RPS6KC1: variants seen among roughly 807,000 people sequenced by gnomAD.
RPS6KC1 encodes the protein inactive ribosomal protein S6 kinase delta-1.
RPS6KC1 carries 54 observed loss-of-function variants against 103.8 expected under a neutral mutation model. The ratio of observed to expected loss-of-function variants is 0.52; its 90% CI spans 0.42 to 0.65. RPS6KC1 has a LOEUF of 0.65. RPS6KC1 is among the 30% of genes least tolerant of loss of function. The probability of loss-of-function intolerance (pLI) is 0.00; values close to 1 mark genes in which losing one functional copy is unlikely to be tolerated. For missense variants in RPS6KC1, 1,151 were observed against 1,253.8 expected (o/e 0.92, Z 1.24); for synonymous variants, 439 against 438.7 (o/e 1.00, Z -0.01).
At chr1:213,511,314 A>G in the RPS6KC1 span, among the ~76,000 whole-genome samples, 2 of 152,168 alleles carry the variant, frequency 1.3e-5, no homozygotes, top group African/African-American at 2.4e-5. Flanking sequence ...CTCTGAGGGC[A>G]GGGGAGATGG....
intron 14 of RPS6KC1, among the ~76,000 whole-genome samples, chr1:213,272,097 A>C (rs1020875899): frequency 9.9e-5 from 15 of 152,226 alleles, no homozygotes; most frequent in Non-Finnish European, 1.9e-4. Context: ...GTCTCAATAC[A>C]TACATAGTTG....
intron 14 of RPS6KC1, among the ~76,000 whole-genome samples, chr1:213,269,040 A>G (rs1302627281): frequency 6.6e-6 from 1 of 152,218 alleles, no homozygotes; most frequent in Non-Finnish European, 1.5e-5. Context: ...AACCAAAGGC[A>G]GATTCTGTTA....
intron 4 of RPS6KC1, among the ~76,000 whole-genome samples, chr1:213,106,807 T>C (rs2082544187): frequency 6.6e-6 from 1 of 152,204 alleles, no homozygotes; most frequent in South Asian, 2.1e-4. Context: ...TCTATACCTT[T>C]CCATCCCATA....
chr1:213,804,164 G>A, the RPS6KC1 span, among the ~76,000 whole-genome samples: 50 of 111,108 alleles, frequency 4.5e-4, no homozygotes, highest in African/African-American at 1.4e-3. Context: ...AAAAATCAGT[G>A]GCTAATCTTA....
chr1:213,539,148 G>A, the RPS6KC1 span, among the ~76,000 whole-genome samples: 1 of 152,114 alleles, frequency 6.6e-6, no homozygotes, highest in Non-Finnish European at 1.5e-5. Flanking sequence ...CTCCTTCCTT[G>A]GGAAAACTGT....
the RPS6KC1 span, among the ~76,000 whole-genome samples, chr1:213,506,015 A>G: frequency 1.3e-5 from 2 of 152,176 alleles, no homozygotes; most frequent in South Asian, 4.2e-4. Flanking sequence ...TTGTCCTTGG[A>G]TCAGGTGCCC....
chr1:213,216,728 C>A (rs2093674238), intron 8 of RPS6KC1, among the ~76,000 whole-genome samples: 1 of 152,118 alleles, frequency 6.6e-6, no homozygotes, highest in Non-Finnish European at 1.5e-5. Context: ...CACTCAAAAC[C>A]ACTCAACTAC....
the RPS6KC1 span, among the ~76,000 whole-genome samples, chr1:213,487,705 T>C: frequency 6.6e-6 from 1 of 152,050 alleles, no homozygotes; most frequent in South Asian, 2.1e-4. Flanking sequence ...TGGGTAAGAG[T>C]TGTATCCTCT....
At chr1:213,422,902 A>G in the RPS6KC1 span, among the ~76,000 whole-genome samples, 1 of 152,236 alleles carries the variant, frequency 6.6e-6, no homozygotes, top group African/African-American at 2.4e-5. Context: ...GCTCTTGCTT[A>G]ATTACTACGG....
the RPS6KC1 span, among the ~76,000 whole-genome samples, chr1:213,568,298 C>A: frequency 6.6e-6 from 1 of 152,180 alleles, no homozygotes; most frequent in African/African-American, 2.4e-5. Flanking sequence ...ATTTGCTCTA[C>A]AGATCGCTCT....
intron 14 of RPS6KC1, among the ~76,000 whole-genome samples, chr1:213,267,766 A>G (rs1438217878): frequency 6.6e-6 from 1 of 152,038 alleles, no homozygotes; most frequent in Non-Finnish European, 1.5e-5. Flanking sequence ...AAGTTGAATA[A>G]TACAATGACT....
At chr1:213,752,356 AAAAG>A in the RPS6KC1 span, among the ~76,000 whole-genome samples, 2 of 152,132 alleles carry the variant, frequency 1.3e-5, no homozygotes, top group African/African-American at 4.8e-5. Flanking sequence ...GACCATATGT[AAAAG>A]AAAAAAAAAA....
At chr1:213,687,882 C>T in the RPS6KC1 span, among the ~76,000 whole-genome samples, 1 of 152,098 alleles carries the variant, frequency 6.6e-6, no homozygotes, top group South Asian at 2.1e-4. Flanking sequence ...ATTTTTAGTT[C>T]TGATTTCCTA....
At chr1:213,671,017 A>G in the RPS6KC1 span, among the ~76,000 whole-genome samples, 1 of 152,192 alleles carries the variant, frequency 6.6e-6, no homozygotes, top group Non-Finnish European at 1.5e-5. Context: ...ATCAGGAAGG[A>G]GCCATTCATG....
intron 5 of RPS6KC1, among the ~76,000 whole-genome samples, chr1:213,118,595 G>A (rs1167588326): frequency 2.6e-5 from 4 of 151,982 alleles, no homozygotes; most frequent in Non-Finnish European, 5.9e-5. Flanking sequence ...TTTCCATCGT[G>A]ATTTGGTAAG....
chr1:213,744,823 C>T, the RPS6KC1 span, among the ~76,000 whole-genome samples: 3,347 of 152,332 alleles, frequency 0.022, 75 homozygotes, highest in Non-Finnish European at 0.034. Context: ...GGAGGCTTTA[C>T]AAAAGCACAG....
the RPS6KC1 span, among the ~76,000 whole-genome samples, chr1:213,846,610 T>A: frequency 6.6e-6 from 1 of 152,204 alleles, no homozygotes; most frequent in African/African-American, 2.4e-5. Context: ...AAAGGTGCTC[T>A]TTTTTGCTGT....
chr1:213,808,896 G>A, the RPS6KC1 span, among the ~76,000 whole-genome samples: 9 of 152,212 alleles, frequency 5.9e-5, no homozygotes, highest in African/African-American at 1.2e-4. Context: ...GCTATAGACC[G>A]GAGCTGTTCC....
the RPS6KC1 span, among the ~76,000 whole-genome samples, chr1:213,360,229 C>T: frequency 1.3e-5 from 2 of 152,198 alleles, no homozygotes; most frequent in Non-Finnish European, 2.9e-5. Flanking sequence ...CCCATAGTCC[C>T]ACATTTTTTG....
Sources: allele counts gnomAD v4.1 joint callset (sites outside exome capture counted in the v4.1 genomes callset), GRCh38; gene constraint gnomAD v4.1.1; transcripts MANE v1.5; gene names NCBI Gene and HGNC (gene_info 2026-07-23, HGNC 2026-07-21).